Variants in PTPN13 observed in about 807,000 individuals in gnomAD.
PTPN13 encodes the protein protein tyrosine phosphatase non-receptor type 13.
In PTPN13, 191 loss-of-function variants were observed where a neutral mutation model predicts 284.0. That is an observed-to-expected ratio of 0.67 (90% CI 0.60 to 0.76). PTPN13 has a LOEUF of 0.76. Among genes scored for constraint, PTPN13 ranks in the 30% least tolerant of loss-of-function variants. PTPN13 has a pLI of 0.00. For missense variants in PTPN13, 2,797 were observed against 2,939.9 expected (o/e 0.95, Z 1.12); for synonymous variants, 986 against 1,022.3 (o/e 0.96, Z 0.68).
chr4:86,597,286 G>A (rs536263802), intron 1 of PTPN13, among the ~76,000 whole-genome samples: 7 of 151,986 alleles, frequency 4.6e-5, no homozygotes, highest in Admixed American at 4.6e-4. Flanking sequence ...TGCCCAGTTT[G>A]GAATGCAGTG....
In PTPN13 at chr4:86,811,063, G is replaced by C. The variant is rs925097788; in HGVS notation, c.7317G>C (p.Leu2439Phe). 2.5e-6 allele frequency: 4 copies of C among 1,613,442 alleles called. No homozygotes were observed. Among genetic ancestry groups the C allele is most frequent in the Non-Finnish European group, 3.4e-6 (4 of 1,179,564 alleles). ...TCTGACAGTTTGACATCTCTGATTTGGTGCGCTGCATGAGACTACAAAGAC... is the reference window on the plus strand; with the variant it reads ...TCTGACAGTTTGACATCTCTGATTTCGTGCGCTGCATGAGACTACAAAGAC... ...SQDLDFDISD[L>F]VRCMRLQRHG... Residue 2439 changes from leucine to phenylalanine, a missense_variant, in exon 47 of 48, where the codon TTG (leucine) becomes TTC (phenylalanine). Leu to Phe is a conservative substitution (Grantham distance 22). Transcript: ENST00000411767.
At chr4:86,712,731 C>G (rs1732568218) in intron 7 of PTPN13, among the ~76,000 whole-genome samples, 1 of 151,996 alleles carries the variant, frequency 6.6e-6, no homozygotes, top group South Asian at 2.1e-4. Flanking sequence ...AGGTGTATTA[C>G]TGAAAACATT....
At chr4:86,681,290 A>G (rs1375058717) in intron 3 of PTPN13, among the ~76,000 whole-genome samples, 4 of 152,140 alleles carry the variant, frequency 2.6e-5, no homozygotes, top group Non-Finnish European at 5.9e-5. Flanking sequence ...TTAGACTTCT[A>G]ATTCTGGAAA....
intron 15 of PTPN13, among the ~76,000 whole-genome samples, chr4:86,738,929 C>G (rs976385775): frequency 6.6e-6 from 1 of 152,226 alleles, no homozygotes; most frequent in African/African-American, 2.4e-5. Context: ...AATCTGCCTG[C>G]CTTGGCCTCC....
At chr4:86,751,551 C>T (rs1737389071) in intron 19 of PTPN13, among the ~76,000 whole-genome samples, 1 of 152,128 alleles carries the variant, frequency 6.6e-6, no homozygotes, top group Non-Finnish European at 1.5e-5. Context: ...AACTCCTGGA[C>T]TCAAGGGGTC....
chr4:86,706,947 A>C (rs1173980055), intron 7 of PTPN13, among the ~76,000 whole-genome samples: 1 of 151,454 alleles, frequency 6.6e-6, no homozygotes, highest in Non-Finnish European at 1.5e-5. Context: ...TCAGTATTTT[A>C]TTTTCTACCT....
chr4:86,766,539 C>T (rs1164094004), intron 27 of PTPN13, 22 bp downstream of exon 27: 3 of 1,521,500 alleles, frequency 2.0e-6, no homozygotes, highest in Non-Finnish European at 2.7e-6. Flanking sequence ...TTATACCAAC[C>T]TTTTACAGTA....
At chr4:86,678,361 A>G (rs1355683953) in intron 3 of PTPN13, among the ~76,000 whole-genome samples, 2 of 152,192 alleles carry the variant, frequency 1.3e-5, no homozygotes, top group Non-Finnish European at 2.9e-5. Flanking sequence ...TAAGCCCAAG[A>G]GGCCATTAAA....
chr4:86,760,592 G>A (rs1738561384), intron 23 of PTPN13, among the ~76,000 whole-genome samples: 1 of 152,146 alleles, frequency 6.6e-6, no homozygotes, highest in African/African-American at 2.4e-5. Flanking sequence ...ATTCTTGTCT[G>A]ACTAGACAGA....
At position 86,607,684 on chromosome 4, in the gene PTPN13, C is replaced by T. The variant is rs942635533; in HGVS notation, c.-6+12895C>T. 1.2e-4 allele frequency among the ~76,000 whole-genome samples: 19 copies of T among 152,042 alleles called. No individual in the cohort carries two copies. In the East Asian group the frequency reaches 2.1e-3, roughly 17 times the overall value. ...GCAGTATTAAGGTGGGGCAAAAAAT[C>T]GCCTCAATTTCCCTAGAAAAGATGA... is the stretch of plus-strand genomic sequence containing the variant. On this transcript the variant is annotated intron_variant, in intron 1 of 47. Coordinates refer to ENST00000411767, the MANE Select transcript of PTPN13 (RefSeq NM_080683.3).
At chr4:86,766,068 T>TC (rs1481943774) in intron 26 of PTPN13, among the ~76,000 whole-genome samples, 1 of 152,134 alleles carries the variant, frequency 6.6e-6, no homozygotes, top group Non-Finnish European at 1.5e-5. Context: ...CCTCAGGTGA[T>TC]CCCCCCACTT....
Position 86,741,814 on chromosome 4 carries a change from T to A in PTPN13, c.2485T>A (p.Ser829Thr). 6.3e-7 allele frequency: 1 copy of A among 1,588,680 alleles called. No homozygotes were observed. Among genetic ancestry groups the A allele is most frequent in the Non-Finnish European group, 8.6e-7 (1 of 1,166,226 alleles). ...GAGGGAAACCAAGAAAATATCTTTT[T>A]CTGTATGTCCATTTAACCTCTTTTC... is the stretch of plus-strand genomic sequence containing the variant. ...PWRETKKISF[S>T]KKKITLQNTS... The change falls in exon 16 of 48, where the codon TCT becomes ACT. Residue 829 changes from serine to threonine, a missense_variant and splice_region_variant. Transcript: ENST00000411767.
intron 2 of PTPN13, among the ~76,000 whole-genome samples, chr4:86,646,015 T>G (rs909501151): frequency 2.0e-5 from 3 of 151,988 alleles, no homozygotes; most frequent in African/African-American, 7.2e-5. Flanking sequence ...ACCTATATGG[T>G]CAATTGATTT....
At chr4:86,739,570 A>G (rs775955422) in intron 15 of PTPN13, among the ~76,000 whole-genome samples, 12 of 152,122 alleles carry the variant, frequency 7.9e-5, no homozygotes, top group Non-Finnish European at 1.3e-4. Flanking sequence ...CAACATGTGG[A>G]AATTCAAGAT....
chr4:86,812,477 T>C (rs1387459715), intron 47 of PTPN13, among the ~76,000 whole-genome samples: 2 of 151,928 alleles, frequency 1.3e-5, no homozygotes, highest in Non-Finnish European at 2.9e-5. Context: ...TCCCTGAAAG[T>C]GGTAAGTGCT....
chr4:86,803,969 TA>T, intron 43 of PTPN13, 112 bp downstream of exon 43: 1 of 1,147,590 alleles, frequency 8.7e-7, no homozygotes. Context: ...TTTCCAACTC[TA>T]AAAGCACCAC....
intron 2 of PTPN13, among the ~76,000 whole-genome samples, chr4:86,670,141 C>T (rs1018446609): frequency 2.7e-5 from 4 of 146,768 alleles, no homozygotes; most frequent in Admixed American, 6.9e-5. Context: ...GGGCTCAGTC[C>T]TTGGTCTTCA....
At chr4:86,740,385 G>T (rs1736035733) in intron 15 of PTPN13, among the ~76,000 whole-genome samples, 1 of 152,188 alleles carries the variant, frequency 6.6e-6, no homozygotes, top group Non-Finnish European at 1.5e-5. Flanking sequence ...CCATGTGGAA[G>T]CTGCCAAGGC....
chr4:86,670,876 A>G (rs1727651574), intron 2 of PTPN13, among the ~76,000 whole-genome samples: 1 of 152,200 alleles, frequency 6.6e-6, no homozygotes, highest in African/African-American at 2.4e-5. Context: ...ATACGACAAC[A>G]TATACCTAAG....
Sources: allele counts gnomAD v4.1 joint callset (sites outside exome capture counted in the v4.1 genomes callset), GRCh38; gene constraint gnomAD v4.1.1; transcripts MANE v1.5; gene names NCBI Gene and HGNC (gene_info 2026-07-23, HGNC 2026-07-21).